The following MYOF variants were observed in gnomAD, a reference collection of about 807,000 sequenced individuals.
MYOF encodes myoferlin.
A neutral mutation model predicts 284.2 loss-of-function variants in MYOF; 244 were observed. The observed-to-expected ratio is 0.86, with a 90% confidence interval of 0.77 to 0.95. The LOEUF (loss-of-function observed/expected upper bound fraction) is 0.95, where lower values mean the gene tolerates loss of function less well. Among genes scored for constraint, MYOF ranks in the 40% least tolerant of loss-of-function variants. The pLI is 0.00. For missense variants in MYOF, 2,496 were observed against 2,560.6 expected, an observed-to-expected ratio of 0.97 and a Z score of 0.54; for synonymous variants, 904 against 919.7, an observed-to-expected ratio of 0.98 and a Z score of 0.31.
intron 16 of MYOF, 108 bp downstream of exon 16, chr10:93,396,034 T>C: frequency 1.3e-6 from 1 of 755,880 alleles, no homozygotes; most frequent in Non-Finnish European, 2.2e-6. Flanking sequence ...CACATTTGGC[T>C]TCTAAGAAAC....
chr10:93,328,661 A>G (rs1017332078), intron 45 of MYOF, 102 bp downstream of exon 45: 61 of 1,231,084 alleles, frequency 5.0e-5, no homozygotes, highest in Admixed American at 1.0e-4. Context: ...CTCATGTGGT[A>G]TAATTAGGGT....
At chr10:93,367,704 A>G (rs962904449) in intron 25 of MYOF, among the ~76,000 whole-genome samples, 2 of 152,034 alleles carry the variant, frequency 1.3e-5, no homozygotes, top group African/African-American at 4.8e-5. Context: ...GGGAGCCTCA[A>G]GTGGCTTTGA....
In MYOF at chr10:93,463,201, C is replaced by A. The variant is rs1176292872; in HGVS notation, c.89-6264G>T. Among the ~76,000 whole-genome samples, 5 of 152,130 alleles carry A rather than the reference C, an allele frequency of 3.3e-5. No homozygotes were observed. The East Asian group carries it at 9.6e-4, about 29-fold the overall frequency. On this transcript the variant is annotated intron_variant, in intron 1 of 53. Transcript: ENST00000359263. ...ACAGCTCTCTTAGCCAAACCACCCG[C>A]CCTCTTGCGCGGAACCATTTCCTTT...
At chr10:93,368,262 C>A (rs1845419107) in intron 25 of MYOF, among the ~76,000 whole-genome samples, 1 of 152,216 alleles carries the variant, frequency 6.6e-6, no homozygotes, top group South Asian at 2.1e-4. Flanking sequence ...TCTTCACTAG[C>A]ACCTCTAAGC....
chr10:93,388,051 T>C, intron 18 of MYOF, 138 bp from the exon 19 acceptor site: 2 of 678,090 alleles, frequency 2.9e-6, no homozygotes, highest in Non-Finnish European at 5.2e-6. Context: ...AGTCGGCAAC[T>C]CTCCCAGCTG....
intron 3 of MYOF, among the ~76,000 whole-genome samples, chr10:93,433,177 G>A (rs2134225962): frequency 6.7e-6 from 1 of 149,428 alleles, no homozygotes; most frequent in East Asian, 2.0e-4. Flanking sequence ...TTTATTTTGA[G>A]ATGGAGTTTC....
At chr10:93,411,047 G>T (rs186331509) in intron 5 of MYOF, among the ~76,000 whole-genome samples, 1 of 152,298 alleles carries the variant, frequency 6.6e-6, no homozygotes, top group East Asian at 1.9e-4. Context: ...TTTACCACAG[G>T]GTTACTGTAA....
intron 3 of MYOF, among the ~76,000 whole-genome samples, chr10:93,443,836 T>G (rs1305130377): frequency 6.6e-6 from 1 of 152,034 alleles, no homozygotes; most frequent in African/African-American, 2.4e-5. Flanking sequence ...CAAACTACAG[T>G]CAATTTAAGG....
intron 2 of MYOF, among the ~76,000 whole-genome samples, chr10:93,454,803 T>G (rs2056694223): frequency 6.6e-6 from 1 of 151,092 alleles, no homozygotes; most frequent in Non-Finnish European, 1.5e-5. Flanking sequence ...CATAGCAGGA[T>G]GTAATCTCTA....
At chr10:93,470,130 G>C (rs1459348773) in intron 1 of MYOF, among the ~76,000 whole-genome samples, 1 of 150,762 alleles carries the variant, frequency 6.6e-6, no homozygotes, top group East Asian at 2.0e-4. Flanking sequence ...TTGGGAGGCT[G>C]AGGTAGGAGA....
rs748750040 is a variant in MYOF at position 93,364,089 on chromosome 10, A to T, written c.2754-14T>A. 1 of 1,611,538 alleles carries T rather than the reference A, an allele frequency of 6.2e-7. No homozygotes were observed. Among genetic ancestry groups the T allele is most frequent in the South Asian group, 1.1e-5 (1 of 91,014 alleles). ...TCAGTCAGCAAGCTGTGGGGCGGGG[A>T]GGGCTCAAGTTACCCAAGGAGACCG... On this transcript the variant is annotated splice_polypyrimidine_tract_variant and intron_variant, in intron 26 of 53. Coordinates refer to ENST00000359263, the MANE Select transcript of MYOF (RefSeq NM_013451.4).
At chr10:93,406,531 G>A (rs1589518928) in intron 7 of MYOF, among the ~76,000 whole-genome samples, 1 of 131,292 alleles carries the variant, frequency 7.6e-6, no homozygotes. Context: ...GGGTTTACGC[G>A]TTAGGCCCAA....
chr10:93,480,932 C>G (rs1385038555), intron 1 of MYOF, among the ~76,000 whole-genome samples: 1 of 152,106 alleles, frequency 6.6e-6, no homozygotes, highest in Admixed American at 6.6e-5. Flanking sequence ...CTGGAAGAAA[C>G]GAGAAATGTA....
intron 23 of MYOF, among the ~76,000 whole-genome samples, chr10:93,373,623 A>T (rs1845696170): frequency 6.6e-6 from 1 of 152,212 alleles, no homozygotes; most frequent in African/African-American, 2.4e-5. Flanking sequence ...TCCACTATAG[A>T]ACACTGTGAA....
Position 93,306,938 on chromosome 10 carries a change from T to A in MYOF, c.*25A>T, listed in dbSNP as rs755467255. The A allele has an allele frequency of 9.9e-6, 16 of 1,609,072 alleles. No individual in the cohort carries two copies. Among genetic ancestry groups the A allele is most frequent in the Admixed American group, 6.7e-5 (4 of 59,792 alleles). ...CAGGATTCTCTCATTGCTGGATGACTCTTGAAATGAAGCCTTTGCCTTTGT... is the reference window on the plus strand; with the variant it reads ...CAGGATTCTCTCATTGCTGGATGACACTTGAAATGAAGCCTTTGCCTTTGT... On this transcript the variant is annotated 3_prime_UTR_variant, in exon 54 of 54. Transcript: ENST00000359263.
At chr10:93,371,894 A>G (rs1213762342) in intron 24 of MYOF, among the ~76,000 whole-genome samples, 1 of 152,234 alleles carries the variant, frequency 6.6e-6, no homozygotes, top group Non-Finnish European at 1.5e-5. Flanking sequence ...CCTAACACAG[A>G]GAAGGTGCCT....
At chr10:93,328,227 C>T (rs1211492260) in intron 45 of MYOF, among the ~76,000 whole-genome samples, 8 of 152,140 alleles carry the variant, frequency 5.3e-5, no homozygotes, top group South Asian at 2.1e-4. Context: ...AAGCACAGTT[C>T]GCATGCTCTA....
In MYOF at chr10:93,333,877, T is replaced by A; in HGVS notation, c.4600A>T (p.Ser1534Cys). The A allele has an allele frequency of 1.9e-6, 3 of 1,613,940 alleles. No individual in the cohort carries two copies. The highest frequency in any genetic ancestry group is 2.5e-6 in the Non-Finnish European group (3 of 1,179,974). The change falls in exon 42 of 54, where the codon AGC becomes TGC. Residue 1534 changes from serine to cysteine, a missense_variant. By Grantham distance (112) the Ser-to-Cys change is moderately radical. Around this residue, in one of 3 missense-constraint regions of MYOF, gnomAD observed 2,436 missense variants for 2,480.7 expected, o/e 0.98. Transcript: ENST00000359263. ...AACTGTCTGGGAGGGGCTGGCACGC[T>A]GGGGTCATCCGGCAGAGGGTAGATC... is the stretch of plus-strand genomic sequence containing the variant. The part of the protein sequence containing the change: ...FRIYPLPDDP[S>C]VPAPPRQFRE...
At chr10:93,323,400 T>C (rs1842919664) in intron 46 of MYOF, 42 bp from the exon 47 acceptor site, 1 of 1,510,274 alleles carries the variant, frequency 6.6e-7, no homozygotes, top group Non-Finnish European at 9.1e-7. Flanking sequence ...AGTTATATGA[T>C]GGGTAGCAGA....
Sources: gnomAD v4.1 joint callset for allele counts (sites outside exome capture counted in the v4.1 genomes callset) on GRCh38, gnomAD v4.1.1 for gene constraint, gnomAD v4.1.1 regional missense constraint, MANE v1.5 for transcripts, NCBI Gene and HGNC (gene_info 2026-07-23, HGNC 2026-07-21) for gene names.